Variants in GABRA3 observed in about 807,000 individuals in gnomAD.
GABRA3 encodes gamma-aminobutyric acid receptor subunit alpha-3.
Under a neutral mutation model 30.1 loss-of-function variants are expected in GABRA3, and 10 were observed. The observed-to-expected ratio is 0.33, with a 90% confidence interval of 0.20 to 0.56. The LOEUF (loss-of-function observed/expected upper bound fraction) is 0.56, where lower values mean the gene tolerates loss of function less well. Among genes scored for constraint, GABRA3 ranks in the 20% least tolerant of loss-of-function variants. GABRA3 has a pLI of 0.89. For synonymous variants in GABRA3, 151 were observed against 146.8 expected (o/e 1.03, Z -0.21); for missense variants, 233 against 392.0 (o/e 0.59, Z 3.42).
At chrX:152,179,893 T>C (rs1226225905) in intron 9 of GABRA3, among the ~76,000 whole-genome samples, 1 of 111,549 alleles carries the variant, frequency 9.0e-6, no homozygotes, top group Admixed American at 9.6e-5. Flanking sequence ...AATGACAGGG[T>C]TTCCTTCTTT....
At chrX:152,250,924 A>T (rs1938542868) in intron 5 of GABRA3, 1 of 180,657 alleles carries the variant, frequency 5.5e-6, no homozygotes, top group South Asian at 8.2e-5. Context: ...GACCTTATTC[A>T]ATTTGTGCTT....
Position 152,341,508 on chromosome X carries a change from G to A in GABRA3, c.262+4073C>T, listed in dbSNP as rs192015415. 3.8e-4 allele frequency among the ~76,000 whole-genome samples: 40 copies of A among 106,007 alleles called. No homozygotes were observed. The South Asian group carries it at 5.0e-3, about 13-fold the overall frequency. 92.1% of individuals were successfully genotyped at this position (106,007 alleles called of 115,157 possible). On this transcript the variant is annotated intron_variant, in intron 3 of 9. Transcript: ENST00000370314. Reference sequence around the variant, plus strand: ...ATATGCCCACTAGCAGTGTATAAACGTTTCCCTTTCACCATATCCATAACA... The same window carrying A: ...ATATGCCCACTAGCAGTGTATAAACATTTCCCTTTCACCATATCCATAACA...
At chrX:152,179,998 T>C (rs1456880694) in intron 9 of GABRA3, among the ~76,000 whole-genome samples, 1 of 112,293 alleles carries the variant, frequency 8.9e-6, no homozygotes, top group Non-Finnish European at 1.9e-5. Flanking sequence ...ATATTGGCTT[T>C]TGTGAATAAT....
At chrX:152,397,768 A>G (rs1433831670) in intron 1 of GABRA3, among the ~76,000 whole-genome samples, 2 of 111,432 alleles carry the variant, frequency 1.8e-5, no homozygotes, top group African/African-American at 6.5e-5. Flanking sequence ...ATGTCTCTTC[A>G]ACTTCTCTCA....
intron 3 of GABRA3, among the ~76,000 whole-genome samples, chrX:152,335,082 G>A (rs779749792): frequency 3.6e-5 from 4 of 111,330 alleles, no homozygotes; most frequent in East Asian, 2.8e-4. Context: ...CTTACGGCAC[G>A]GAGACTCTAA....
intron 1 of GABRA3, among the ~76,000 whole-genome samples, chrX:152,449,930 G>T (rs997078441): frequency 9.0e-6 from 1 of 111,718 alleles, no homozygotes; most frequent in African/African-American, 3.3e-5. Context: ...ATTTAATGAA[G>T]TAATACACAC....
At chrX:152,259,176 A>G (rs1300028831) in intron 4 of GABRA3, among the ~76,000 whole-genome samples, 1 of 111,986 alleles carries the variant, frequency 8.9e-6, no homozygotes, top group Non-Finnish European at 1.9e-5. Context: ...GGGAGTATTT[A>G]TCCTAGCCCT....
At chrX:152,383,700 A>C (rs1001774866) in intron 1 of GABRA3, among the ~76,000 whole-genome samples, 4 of 109,620 alleles carry the variant, frequency 3.6e-5, no homozygotes, top group Non-Finnish European at 7.6e-5. Context: ...TTACAAAAAA[A>C]AAAAAACCCT....
At chrX:152,430,333 G>A (rs1930622481) in intron 1 of GABRA3, among the ~76,000 whole-genome samples, 1 of 111,583 alleles carries the variant, frequency 9.0e-6, no homozygotes, top group Non-Finnish European at 1.9e-5. Flanking sequence ...AGAAGTTCAA[G>A]TACTGTGGGG....
At chrX:152,410,833 A>C (rs1470093123) in intron 1 of GABRA3, among the ~76,000 whole-genome samples, 2 of 111,290 alleles carry the variant, frequency 1.8e-5, no homozygotes, top group Non-Finnish European at 3.8e-5. Context: ...CACAACAAAA[A>C]AGAAAATTAA....
At chrX:152,190,247 C>A (rs1406385413) in intron 8 of GABRA3, among the ~76,000 whole-genome samples, 1 of 108,937 alleles carries the variant, frequency 9.2e-6, no homozygotes, top group African/African-American at 3.3e-5. Context: ...TGTAAGAGAG[C>A]ATTTTAATTA....
intron 6 of GABRA3, among the ~76,000 whole-genome samples, chrX:152,218,197 C>A (rs1603213162): frequency 1.8e-5 from 2 of 109,562 alleles, no homozygotes; most frequent in African/African-American, 3.3e-5. Flanking sequence ...TTTTCTAATT[C>A]CCTTTGTGAT....
rs779070372 is a variant in GABRA3, at chrX:152,383,412, A to G, written c.-26-18816T>C. ...TCAAAAAAAAAAAAAAAAAAAAAAG[A>G]AAGAAAGAAAAGAAAAGAAAATTAC... On this transcript the variant is annotated intron_variant, in intron 1 of 9. Transcript: ENST00000370314. Among the ~76,000 whole-genome samples the G allele has an allele frequency of 8.5e-5, 8 of 93,778 alleles. No individual in the cohort carries two copies. In the South Asian group the frequency reaches 3.9e-3, roughly 45 times the overall value. 81.4% of individuals were successfully genotyped at this position (93,778 alleles called of 115,157 possible). A position where few individuals can be genotyped will look rare whatever the true frequency, so the allele number is the denominator to read the frequency against.
chrX:152,220,030 A>C (rs1378292467), intron 6 of GABRA3, among the ~76,000 whole-genome samples: 1 of 111,570 alleles, frequency 9.0e-6, no homozygotes, highest in African/African-American at 3.2e-5. Context: ...CTTTCCATAT[A>C]TTACCACTCT....
At position 152,418,890 on chromosome X, in the gene GABRA3, C is replaced by A. The variant is rs752425155; in HGVS notation, c.-27+32256G>T. On this transcript the variant is annotated intron_variant, in intron 1 of 9. Coordinates refer to ENST00000370314, the MANE Select transcript of GABRA3 (RefSeq NM_000808.4). ...ACAATAGCAAAGACTTAGAACCAAC[C>A]CAAATGTCCATCAATGATAGACTGG... is the stretch of plus-strand genomic sequence containing the variant. 2.7e-5 allele frequency among the ~76,000 whole-genome samples: 3 copies of A among 111,311 alleles called. No individual in the cohort carries two copies. The East Asian group carries it at 8.5e-4, about 32-fold the overall frequency.
chrX:152,297,014 G>A (rs898033370), intron 3 of GABRA3, among the ~76,000 whole-genome samples: 2 of 111,674 alleles, frequency 1.8e-5, no homozygotes, highest in African/African-American at 6.5e-5. Context: ...CTGCTTTTCT[G>A]TTGAGGACTT....
At chrX:152,308,369 A>G (rs1939750772) in intron 3 of GABRA3, among the ~76,000 whole-genome samples, 1 of 112,357 alleles carries the variant, frequency 8.9e-6, no homozygotes, top group African/African-American at 3.2e-5. Context: ...TGCTGCCCTG[A>G]TTAAGCACTT....
rs148626902 is a variant in GABRA3, at chrX:152,383,478, A to T, written c.-26-18882T>A. Among the ~76,000 whole-genome samples, 221 of 109,680 alleles carry T rather than the reference A, an allele frequency of 2.0e-3. 4 individuals carry two copies. In the East Asian group the frequency reaches 0.057, roughly 28 times the overall value. Reference sequence around the variant, plus strand: ...ATAAATATAGATTCAAAACCATTCAACAAAACATTAGCAAAGCAAATTCAA... The same window carrying T: ...ATAAATATAGATTCAAAACCATTCATCAAAACATTAGCAAAGCAAATTCAA... On this transcript the variant is annotated intron_variant, in intron 1 of 9. Transcript: ENST00000370314.
chrX:152,305,958 C>T (rs780804241), intron 3 of GABRA3, among the ~76,000 whole-genome samples: 4 of 111,122 alleles, frequency 3.6e-5, no homozygotes, highest in Admixed American at 9.6e-5. Context: ...TACAGGTTAT[C>T]CAGCTGTAAA....
Sources: gnomAD v4.1 joint callset for allele counts (sites outside exome capture counted in the v4.1 genomes callset) on GRCh38, gnomAD v4.1.1 for gene constraint, MANE v1.5 for transcripts, NCBI Gene and HGNC (gene_info 2026-07-23, HGNC 2026-07-21) for gene names.